The following SMC3 variants were observed in gnomAD, a reference collection of about 807,000 sequenced individuals.
SMC3 encodes structural maintenance of chromosomes 3.
In SMC3, 20 loss-of-function variants were observed where a neutral mutation model predicts 171.8. That is an observed-to-expected ratio of 0.12 (90% CI 0.08 to 0.17). SMC3 has a LOEUF of 0.17. SMC3 is among the 10% of genes least tolerant of loss of function. The probability of loss-of-function intolerance (pLI) is 1.00; values close to 1 mark genes in which losing one functional copy is unlikely to be tolerated. For missense variants in SMC3, 543 were observed against 1,420.4 expected, an observed-to-expected ratio of 0.38 and a Z score of 9.93; for synonymous variants, 464 against 451.1, an observed-to-expected ratio of 1.03 and a Z score of -0.36.
At position 110,590,497 on chromosome 10, in the gene SMC3, A is replaced by G. The variant is rs755288447; in HGVS notation, c.1595A>G (p.Tyr532Cys). The part of the protein sequence containing the change: ...KGINQHVQNG[Y>C]HGIVMNNFEC... Reference sequence around the variant, plus strand: ...ATAAACCAGCATGTTCAAAATGGCTATCATGGTATTGTAATGAATAACTTT... The same window carrying G: ...ATAAACCAGCATGTTCAAAATGGCTGTCATGGTATTGTAATGAATAACTTT... Residue 532 changes from tyrosine (Y) to cysteine (C), a missense_variant, in exon 16 of 29, where the codon TAT (tyrosine) becomes TGT (cysteine). Tyr to Cys is a radical substitution (Grantham distance 194). This residue lies in a region of SMC3 where 218 missense variants were observed against 509.6 expected (regional missense o/e 0.43). Transcript: ENST00000361804. The G allele has an allele frequency of 6.2e-7, 1 of 1,613,992 alleles. No individual in the cohort carries two copies. The highest frequency in any genetic ancestry group is 1.3e-5 in the African/African-American group (1 of 75,080).
At chr10:110,585,774 G>A (rs547449716) in intron 13 of SMC3, among the ~76,000 whole-genome samples, 3 of 151,382 alleles carry the variant, frequency 2.0e-5, no homozygotes, top group East Asian at 3.9e-4. Flanking sequence ...CTTATTAATT[G>A]TATATTATAT....
chr10:110,602,312 A>G lies in SMC3; in HGVS notation c.3105+134A>G, dbSNP rs73350982. On this transcript the variant is annotated intron_variant, in intron 25 of 28. Coordinates refer to ENST00000361804, the MANE Select transcript of SMC3 (RefSeq NM_005445.4). ...ATACATGTGAACAAACCTAGCATAT[A>G]GGTTTACAGTAACTTGAATGTTTTA... The G allele has an allele frequency of 5.8e-3, 5,528 of 956,698 alleles. 203 individuals carry two copies. In the African/African-American group the frequency reaches 0.078, roughly 14 times the overall value. 59.3% of individuals were successfully genotyped at this position (956,698 alleles called of 1,614,324 possible).
chr10:110,570,738 T>C (rs554098674), intron 2 of SMC3, among the ~76,000 whole-genome samples: 1 of 152,342 alleles, frequency 6.6e-6, no homozygotes, highest in African/African-American at 2.4e-5. Context: ...TTAGCTGTTA[T>C]CAGTTAGTTG....
chr10:110,582,208 A>G, intron 9 of SMC3, 110 bp downstream of exon 9: 1 of 1,003,396 alleles, frequency 1.0e-6, no homozygotes, highest in Non-Finnish European at 1.5e-6. Flanking sequence ...AAACTTAAAA[A>G]AAACCTCTCA....
chr10:110,592,887 C>G (rs936170929), intron 17 of SMC3, among the ~76,000 whole-genome samples, 186 bp from the exon 18 acceptor site: 2 of 152,172 alleles, frequency 1.3e-5, no homozygotes, highest in African/African-American at 4.8e-5. Flanking sequence ...ACCTTGATTA[C>G]AAGAGCAAAA....
intron 3 of SMC3, among the ~76,000 whole-genome samples, chr10:110,574,051 A>G (rs529651833): frequency 1.3e-5 from 2 of 152,332 alleles, no homozygotes; most frequent in South Asian, 4.1e-4. Context: ...ATGGAATGCA[A>G]TAGTATGTAT....
At chr10:110,582,308 G>A (rs1217960818) in intron 9 of SMC3, among the ~76,000 whole-genome samples, 1 of 152,070 alleles carries the variant, frequency 6.6e-6, no homozygotes, top group Non-Finnish European at 1.5e-5. Context: ...ATAATCAGAT[G>A]GTGGTATTAG....
In SMC3 at chr10:110,589,874, C is replaced by G; in HGVS notation, c.1410-18C>G. On this transcript the variant is annotated intron_variant, in intron 14 of 28. Coordinates refer to ENST00000361804, the MANE Select transcript of SMC3 (RefSeq NM_005445.4). ...ATATGTGTTTAAAATTAAAGACAGT[C>G]TACTTTTTATTTATTAGCTACTTGT... The G allele has an allele frequency of 6.2e-7, 1 of 1,606,916 alleles. No individual in the cohort carries two copies. Among genetic ancestry groups the G allele is most frequent in the Non-Finnish European group, 8.5e-7 (1 of 1,173,742 alleles).
chr10:110,598,133 G>T lies in SMC3; in HGVS notation c.2117-6G>T. ...CCTGGAGATAATTTTCCTTAGCCTT[G>T]TATATGGATTAATAATGAAATTGAT... On this transcript the variant is annotated splice_polypyrimidine_tract_variant and splice_region_variant and intron_variant, in intron 19 of 28. Coordinates refer to ENST00000361804, the MANE Select transcript of SMC3 (RefSeq NM_005445.4). 1 of 1,612,998 alleles carries T rather than the reference G, an allele frequency of 6.2e-7. No individual in the cohort carries two copies. Among genetic ancestry groups the T allele is most frequent in the African/African-American group, 1.3e-5 (1 of 75,010 alleles).
rs1253545493 is a variant in SMC3, at chr10:110,605,211, T to C, written c.*909T>C. On this transcript the variant is annotated 3_prime_UTR_variant, in exon 29 of 29. Coordinates refer to ENST00000361804, the MANE Select transcript of SMC3 (RefSeq NM_005445.4). The stretch of plus-strand genomic sequence containing the variant: ...CAACATTGTACTTGCCAGGTTTCTT[T>C]GTTGTGAAGTTACATTTTTTTCCCT... Among the ~76,000 whole-genome samples the C allele has an allele frequency of 1.3e-5, 2 of 152,198 alleles. No individual in the cohort carries two copies. The highest frequency in any genetic ancestry group is 4.8e-5 in the African/African-American group (2 of 41,456).
intron 27 of SMC3, 75 bp downstream of exon 27, chr10:110,603,077 A>G (rs1308177872): frequency 2.0e-5 from 32 of 1,569,584 alleles, no homozygotes; most frequent in East Asian, 9.0e-5. Context: ...ATATGAAAAA[A>G]TCAAACTCAG....
intron 20 of SMC3, among the ~76,000 whole-genome samples, chr10:110,598,786 G>A (rs1218583466): frequency 3.3e-5 from 5 of 152,068 alleles, no homozygotes; most frequent in Admixed American, 6.5e-5. Context: ...TTGTTGGCAC[G>A]TTCAAACTTT....
intron 1 of SMC3, chr10:110,568,516 T>A (rs903864991): frequency 4.8e-6 from 1 of 208,648 alleles, no homozygotes; most frequent in African/African-American, 2.4e-5. Flanking sequence ...ACTCCTTCTT[T>A]GGAACGTGGG....
intron 17 of SMC3, 35 bp downstream of exon 17, chr10:110,591,167 TATA>T (rs765218852): frequency 2.2e-5 from 35 of 1,600,652 alleles, no homozygotes; most frequent in Non-Finnish European, 2.7e-5. Flanking sequence ...ATTTCTCTTT[TATA>T]ATGTTATTTT....
At chr10:110,602,705 C>A in intron 26 of SMC3, 40 bp downstream of exon 26, 1 of 1,575,828 alleles carries the variant, frequency 6.3e-7, no homozygotes, top group Non-Finnish European at 8.7e-7. Flanking sequence ...AGAGCATTAC[C>A]ATAATAGAAT....
intron 7 of SMC3, 76 bp from the exon 8 acceptor site, chr10:110,580,828 A>C: frequency 1.2e-6 from 1 of 830,728 alleles, no homozygotes; most frequent in East Asian, 2.4e-5. Context: ...TGTGTATTAA[A>C]AACCTTTCAA....
Position 110,567,776 on chromosome 10 carries a change from G to T in SMC3, c.-41G>T, listed in dbSNP as rs978542172. ...CTGACCCTGCGGCCGTGCGGTTGCT[G>T]CTCCGGGGCAGGTCTCCTTCCAGGC... On this transcript the variant is annotated 5_prime_UTR_variant, in exon 1 of 29. Transcript: ENST00000361804. The T allele has an allele frequency of 3.7e-6, 6 of 1,613,020 alleles. No homozygotes were observed. The African/African-American group carries it at 6.7e-5, about 18-fold the overall frequency.
At chr10:110,597,432 A>G (rs1861317876) in intron 19 of SMC3, among the ~76,000 whole-genome samples, 1 of 152,222 alleles carries the variant, frequency 6.6e-6, no homozygotes, top group Admixed American at 6.5e-5. Flanking sequence ...TGAAAAATAT[A>G]GGTACTTGAG....
At position 110,605,398 on chromosome 10, in the gene SMC3, T is replaced by TC. The variant is rs1413811814; in HGVS notation, c.*1098dup. Among the ~76,000 whole-genome samples, 1 of 152,220 alleles carries TC rather than the reference T, an allele frequency of 6.6e-6. No homozygotes were observed. Among genetic ancestry groups the TC allele is most frequent in the Non-Finnish European group, 1.5e-5 (1 of 68,022 alleles). On this transcript the variant is annotated 3_prime_UTR_variant, in exon 29 of 29. Coordinates refer to ENST00000361804, the MANE Select transcript of SMC3 (RefSeq NM_005445.4). The stretch of plus-strand genomic sequence containing the variant: ...GCAAGAAAGAGGCAGTTTTATTTCT[T>TC]CCTTTTCAAATATTTACCTTTAATT...
Sources: allele counts gnomAD v4.1 joint callset (sites outside exome capture counted in the v4.1 genomes callset), GRCh38; gene constraint gnomAD v4.1.1; regional missense constraint gnomAD v4.1.1; transcripts MANE v1.5; gene names NCBI Gene and HGNC (gene_info 2026-07-23, HGNC 2026-07-21).